Variants in MAP3K3 observed in about 807,000 individuals in gnomAD.
MAP3K3 encodes the protein MAP/ERK kinase kinase 3.
In MAP3K3, 12 loss-of-function variants were observed where a neutral mutation model predicts 80.9. The ratio of observed to expected loss-of-function variants is 0.15; its 90% CI spans 0.10 to 0.24. MAP3K3 has a LOEUF of 0.24. Ranked by LOEUF, MAP3K3 falls within the 10% of genes least tolerant of loss-of-function variation. The pLI is 1.00. For synonymous variants in MAP3K3, 272 were observed against 307.1 expected, an observed-to-expected ratio of 0.89 and a Z score of 1.19; for missense variants, 596 against 834.7, an observed-to-expected ratio of 0.71 and a Z score of 3.52.
At chr17:63,622,815 GC>G (rs763486928) in intron 1 of MAP3K3, 52 bp downstream of exon 1, 8 of 448,402 alleles carry the variant, frequency 1.8e-5, no homozygotes, top group South Asian at 8.4e-5. Context: ...GCGACGCCCC[GC>G]CCCAGGCTGA....
intron 6 of MAP3K3, among the ~76,000 whole-genome samples, chr17:63,678,936 A>G (rs920436730): frequency 6.6e-6 from 1 of 152,208 alleles, no homozygotes; most frequent in Admixed American, 6.5e-5. Flanking sequence ...AGGCTGAGGC[A>G]GAAAATTGCT....
intron 1 of MAP3K3, among the ~76,000 whole-genome samples, chr17:63,623,751 A>C (rs1006688171): frequency 1.3e-5 from 2 of 152,248 alleles, no homozygotes; most frequent in Non-Finnish European, 2.9e-5. Context: ...CTGTTGTCAC[A>C]AGTTTTGCAA....
intron 1 of MAP3K3, among the ~76,000 whole-genome samples, chr17:63,630,043 C>T (rs1305063198): frequency 2.0e-5 from 3 of 152,162 alleles, no homozygotes; most frequent in Non-Finnish European, 4.4e-5. Flanking sequence ...ACTGAAAATT[C>T]TCAATACTTA....
chr17:63,647,843 A>G (rs1568130205), intron 3 of MAP3K3, among the ~76,000 whole-genome samples: 1 of 152,194 alleles, frequency 6.6e-6, no homozygotes, highest in Non-Finnish European at 1.5e-5. Context: ...TACCTGGAAT[A>G]TGGGTAGTAT....
At chr17:63,634,352 A>T (rs1474775597) in intron 2 of MAP3K3, among the ~76,000 whole-genome samples, 1 of 152,182 alleles carries the variant, frequency 6.6e-6, no homozygotes, top group African/African-American at 2.4e-5. Context: ...AATATCAGTT[A>T]GTGGGTGAAA....
chr17:63,630,204 A>G (rs1458639783), intron 1 of MAP3K3, among the ~76,000 whole-genome samples: 2 of 152,176 alleles, frequency 1.3e-5, no homozygotes, highest in African/African-American at 4.8e-5. Flanking sequence ...TATATATTTA[A>G]TAATATCTAA....
chr17:63,665,913 G>A (rs2034990453), intron 5 of MAP3K3, among the ~76,000 whole-genome samples: 1 of 152,170 alleles, frequency 6.6e-6, no homozygotes, highest in Admixed American at 6.5e-5. Flanking sequence ...GTTTAGATCG[G>A]ACTTTTTTTG....
At chr17:63,637,030 G>T in intron 2 of MAP3K3, 5 of 557,234 alleles carry the variant, frequency 9.0e-6, no homozygotes, top group Non-Finnish European at 1.7e-5. Flanking sequence ...ACGACAAGGT[G>T]GGGACAAACT....
At chr17:63,677,852 A>G (rs768137544) in intron 6 of MAP3K3, among the ~76,000 whole-genome samples, 25 of 147,308 alleles carry the variant, frequency 1.7e-4, no homozygotes, top group Admixed American at 4.0e-4. Context: ...AAAGAAAGAT[A>G]CATGGCACTG....
At chr17:63,657,929 C>G in intron 5 of MAP3K3, 22 bp downstream of exon 5, 2 of 1,343,904 alleles carry the variant, frequency 1.5e-6, no homozygotes, top group Non-Finnish European at 2.1e-6. Flanking sequence ...TTGTCATGGT[C>G]TGGCAGCTGA....
chr17:63,685,810 C>T (rs2035436356), intron 8 of MAP3K3, among the ~76,000 whole-genome samples: 1 of 152,172 alleles, frequency 6.6e-6, no homozygotes, highest in Non-Finnish European at 1.5e-5. Context: ...TAAGTACTTG[C>T]TTTGTTGTTC....
At chr17:63,639,135 C>T (rs2034392836) in intron 2 of MAP3K3, among the ~76,000 whole-genome samples, 1 of 152,166 alleles carries the variant, frequency 6.6e-6, no homozygotes. Context: ...GACTATGCCT[C>T]ACTGTGTGGT....
chr17:63,645,770 AACAGCATGTC>A lies in MAP3K3; in HGVS notation c.127-256_127-247del, dbSNP rs58194636. 0.23 allele frequency among the ~76,000 whole-genome samples: 35,526 copies of A among 152,016 alleles called. 4,301 individuals are homozygous for A. The highest frequency in any genetic ancestry group is 0.34 in the Middle Eastern group (98 of 292). On this transcript the variant is annotated intron_variant, in intron 2 of 15. Coordinates refer to ENST00000361733, the MANE Select transcript of MAP3K3 (RefSeq NM_002401.5). Reference sequence around the variant, plus strand: ...GAAATAGGGTGTGTATGAAGCTAGAAACAGCATGTCACAGCATAGCAACTGAGCTGGGCAG... The same window carrying A: ...GAAATAGGGTGTGTATGAAGCTAGAAACAGCATAGCAACTGAGCTGGGCAG...
chr17:63,657,377 T>TTATGAATTGAAGTGAATATG (rs1220545182), intron 4 of MAP3K3, among the ~76,000 whole-genome samples: 1 of 152,126 alleles, frequency 6.6e-6, no homozygotes, highest in African/African-American at 2.4e-5. Flanking sequence ...GATTGAATCT[T>TTATGAATTGAAGTGAATATG]TATGAATTGA....
rs945066633 is a variant in MAP3K3, at chr17:63,677,792, A to G, written c.503-3974A>G. Among the ~76,000 whole-genome samples, 4 of 152,330 alleles carry G rather than the reference A, an allele frequency of 2.6e-5. No homozygotes were observed. In the South Asian group the frequency reaches 8.3e-4, roughly 32 times the overall value. On this transcript the variant is annotated intron_variant, in intron 6 of 15. Transcript: ENST00000361733. Reference sequence around the variant, plus strand: ...TGAAGCAGGAGGATCCCTTGAGCCCAAGGAGTTTGGGGCTACAGTGAGCTA... The same window carrying G: ...TGAAGCAGGAGGATCCCTTGAGCCCGAGGAGTTTGGGGCTACAGTGAGCTA...
At chr17:63,657,712 GTTTAT>G (rs935494182) in intron 4 of MAP3K3, 77 bp from the exon 5 acceptor site, 18 of 598,208 alleles carry the variant, frequency 3.0e-5, no homozygotes, top group African/African-American at 9.4e-5. Flanking sequence ...TTTATTTTTT[GTTTAT>G]TTTATTTCTG....
At chr17:63,670,085 A>G (rs1162594438) in intron 6 of MAP3K3, among the ~76,000 whole-genome samples, 5 of 151,990 alleles carry the variant, frequency 3.3e-5, no homozygotes, top group Admixed American at 3.3e-4. Flanking sequence ...CCTGGGCAAC[A>G]GATCAAGACC....
chr17:63,642,321 C>G (rs540451529), intron 2 of MAP3K3, among the ~76,000 whole-genome samples: 1 of 152,288 alleles, frequency 6.6e-6, no homozygotes, highest in East Asian at 1.9e-4. Context: ...TCCTTCATTT[C>G]CATAAAGGCA....
intron 3 of MAP3K3, among the ~76,000 whole-genome samples, chr17:63,650,655 TTA>T (rs1491244342): frequency 6.1e-5 from 8 of 130,240 alleles, no homozygotes; most frequent in African/African-American, 2.0e-4. Context: ...TCTCTGTCTC[TTA>T]TAGAGAGAGA....
Sources: allele counts gnomAD v4.1 joint callset (sites outside exome capture counted in the v4.1 genomes callset), GRCh38; gene constraint gnomAD v4.1.1; transcripts MANE v1.5; gene names NCBI Gene and HGNC (gene_info 2026-07-23, HGNC 2026-07-21).